PCDHGB6: variants seen among roughly 807,000 people sequenced by gnomAD.
The protein encoded by PCDHGB6 is protocadherin gamma subfamily B, 6.
PCDHGB6 carries 51 observed loss-of-function variants against 59.1 expected under a neutral mutation model. The ratio of observed to expected loss-of-function variants is 0.86; its 90% confidence interval spans 0.69 to 1.09. PCDHGB6 has a LOEUF of 1.09. PCDHGB6 is among the 50% of genes least tolerant of loss of function. The probability of loss-of-function intolerance (pLI) is 0.00; values close to 1 mark genes in which losing one functional copy is unlikely to be tolerated. For synonymous variants in PCDHGB6, 466 were observed against 495.1 expected (o/e 0.94, Z 0.78); for missense variants, 1,148 against 1,205.1 (o/e 0.95, Z 0.70).
Position 141,410,300 on chromosome 5 carries a change from T to A in PCDHGB6, c.2098T>A (p.Ser700Thr), listed in dbSNP as rs1233506038. 4 of 1,614,022 alleles carry A rather than the reference T, an allele frequency of 2.5e-6. No individual in the cohort carries two copies. In the Admixed American group the frequency reaches 6.7e-5, roughly 27 times the overall value. ...CCTGGTGGTGGCCTTGGCCTTAATC[T>A]CAGTGCTCTTCCTCCTCGCCGTGAT... ...FYLVVALALI[S>T]VLFLLAVILA... Residue 700 changes from serine (S) to threonine (T), a missense_variant, in exon 1 of 4, where the codon TCA becomes ACA. Physicochemically the swap from Ser to Thr is moderately conservative, Grantham distance 58. Around this residue, in one of 5 missense-constraint regions of PCDHGB6, gnomAD observed 283 missense variants for 318.6 expected, o/e 0.89. Coordinates refer to ENST00000520790, the MANE Select transcript of PCDHGB6 (RefSeq NM_018926.3).
At chr5:141,500,782 T>G (rs2099802612) in intron 2 of PCDHGB6, among the ~76,000 whole-genome samples, 2 of 152,222 alleles carry the variant, frequency 1.3e-5, no homozygotes, top group Admixed American at 1.3e-4. Context: ...ATATACATAT[T>G]ATTTTACAGA....
intron 1 of PCDHGB6, chr5:141,417,651 A>G (rs2154547111): frequency 1.2e-6 from 1 of 822,038 alleles, no homozygotes; most frequent in Non-Finnish European, 1.8e-6. Flanking sequence ...CTCAGCCTCT[A>G]GCCTGGGATT....
rs1229623400 is a variant in PCDHGB6, at chr5:141,505,984, T to A, written c.2566+503T>A. 4.6e-5 allele frequency among the ~76,000 whole-genome samples: 7 copies of A among 152,198 alleles called. No homozygotes were observed. In the East Asian group the frequency reaches 1.4e-3, roughly 30 times the overall value. On this transcript the variant is annotated intron_variant, in intron 3 of 3. Coordinates refer to ENST00000520790, the MANE Select transcript of PCDHGB6 (RefSeq NM_018926.3). ...AGAAATCCCCAGCCGAGAGAACACC[T>A]CCTCTTTATGCGAGGCTCCTCTTTT...
At chr5:141,488,762 C>T (rs1470160100) in intron 1 of PCDHGB6, among the ~76,000 whole-genome samples, 1 of 152,142 alleles carries the variant, frequency 6.6e-6, no homozygotes, top group Non-Finnish European at 1.5e-5. Context: ...TGGGACAGAA[C>T]GCTGAGGAGT....
chr5:141,408,656 C>G lies in PCDHGB6; in HGVS notation c.454C>G (p.Leu152Val), dbSNP rs1367377855. ...CGAATCTGCATCCGCTGGTACACGA[C>G]TATCGCTTGACCCTGCCACGGATCC... ...IFESASAGTR[L>V]SLDPATDPDI... Residue 152 changes from leucine (L) to valine (V), a missense_variant, in exon 1 of 4, where the codon CTA becomes GTA. By Grantham distance (32) the Leu-to-Val change is conservative. Coordinates refer to ENST00000520790, the MANE Select transcript of PCDHGB6 (RefSeq NM_018926.3). 6.2e-7 allele frequency: 1 copy of G among 1,614,030 alleles called. No homozygotes were observed. The highest frequency in any genetic ancestry group is 1.1e-5 in the South Asian group (1 of 91,084).
Position 141,485,181 on chromosome 5 carries a change from G to C in PCDHGB6, c.2419-9626G>C. 1 of 1,612,942 alleles carries C rather than the reference G, an allele frequency of 6.2e-7. No individual in the cohort carries two copies. Among genetic ancestry groups the C allele is most frequent in the East Asian group, 2.2e-5 (1 of 44,868 alleles). On this transcript the variant is annotated intron_variant, in intron 1 of 3. Transcript: ENST00000520790. This position sits in a 1 kb window ranked among gnomAD's most constrained non-coding sequence, Gnocchi z 5.7. ...AATTAGCGGGCGGCAGCAATGCTCC[G>C]CAAGGTGAGAAGCTGGACAGAAATC...
intron 3 of PCDHGB6, 134 bp downstream of exon 3, chr5:141,505,615 C>T: frequency 2.0e-6 from 3 of 1,504,946 alleles, no homozygotes; most frequent in Non-Finnish European, 1.8e-6. Flanking sequence ...TCTGAAAGGA[C>T]CCACAATTCC....
rs772255343 is a variant in PCDHGB6, at chr5:141,432,272, G to C, written c.2418+21652G>C. On this transcript the variant is annotated intron_variant, in intron 1 of 3. Coordinates refer to ENST00000520790, the MANE Select transcript of PCDHGB6 (RefSeq NM_018926.3). This position sits in a 1 kb window ranked among gnomAD's most constrained non-coding sequence, Gnocchi z 6.0. ...CCAAGGGGCAAGCCTATCGTCCTAC[G>C]TGTCCATCAACTCCGACACTGGGGT... The C allele has an allele frequency of 3.1e-6, 5 of 1,614,210 alleles. No individual in the cohort carries two copies. Among genetic ancestry groups the C allele is most frequent in the Non-Finnish European group, 4.2e-6 (5 of 1,180,042 alleles).
intron 1 of PCDHGB6, chr5:141,427,247 T>C (rs1409945260): frequency 2.2e-6 from 1 of 456,582 alleles, no homozygotes; most frequent in Non-Finnish European, 4.4e-6. Context: ...AAGCTAAGGA[T>C]GGTGGAGGCA....
chr5:141,498,531 G>A (rs1384404653), intron 2 of PCDHGB6, among the ~76,000 whole-genome samples: 3 of 148,544 alleles, frequency 2.0e-5, no homozygotes, highest in Non-Finnish European at 4.4e-5. Context: ...CTGCCCTCCA[G>A]CCTGGTCTGG....
At chr5:141,478,711 T>G (rs1420376406) in intron 1 of PCDHGB6, 1 of 1,547,346 alleles carries the variant, frequency 6.5e-7, no homozygotes. Context: ...CTTTGTGAGA[T>G]GGTGGCCTGC....
Position 141,487,820 on chromosome 5 carries a change from G to A in PCDHGB6, c.2419-6987G>A, listed in dbSNP as rs1024593393. 8 of 1,293,652 alleles carry A rather than the reference G, an allele frequency of 6.2e-6. No individual in the cohort carries two copies. The highest frequency in any genetic ancestry group is 3.7e-4 in the Middle Eastern group (2 of 5,382). 80.1% of individuals were successfully genotyped at this position (1,293,652 alleles called of 1,614,324 possible). A position where few individuals can be genotyped will look rare whatever the true frequency, so the allele number is the denominator to read the frequency against. On this transcript the variant is annotated intron_variant, in intron 1 of 3. Transcript: ENST00000520790. This position sits in a 1 kb window ranked among gnomAD's most constrained non-coding sequence, Gnocchi z 5.0. ...GTTGTCACAGTTTAGCATTGGGGGC[G>A]GGTCATGCCTATATCTGAGTAAGAA...
At chr5:141,502,946 C>T (rs900624216) in intron 2 of PCDHGB6, among the ~76,000 whole-genome samples, 13 of 145,572 alleles carry the variant, frequency 8.9e-5, no homozygotes, top group African/African-American at 2.6e-4. Flanking sequence ...TGGGTTCAAG[C>T]GATTCTCCTG....
chr5:141,502,900 T>C (rs1433421797), intron 2 of PCDHGB6, among the ~76,000 whole-genome samples: 2 of 147,288 alleles, frequency 1.4e-5, no homozygotes, highest in Non-Finnish European at 3.0e-5. Flanking sequence ...TCTAGCTCTG[T>C]TGCCAGGCTG....
chr5:141,490,874 A>C lies in PCDHGB6; in HGVS notation c.2419-3933A>C. 1 of 1,613,948 alleles carries C rather than the reference A, an allele frequency of 6.2e-7. No homozygotes were observed. The highest frequency in any genetic ancestry group is 1.3e-5 in the African/African-American group (1 of 75,054). The stretch of plus-strand genomic sequence containing the variant: ...CGAGACTCCGGCTCTCCCCCATTGC[A>C]TGCCAACACATCTCTGCATGTGTTT... On this transcript the variant is annotated intron_variant, in intron 1 of 3. Coordinates refer to ENST00000520790, the MANE Select transcript of PCDHGB6 (RefSeq NM_018926.3). The surrounding 1 kb of genome is among the most constrained non-coding windows in gnomAD (Gnocchi z 5.4).
intron 1 of PCDHGB6, among the ~76,000 whole-genome samples, chr5:141,460,653 GT>G (rs2098994590): frequency 6.6e-6 from 1 of 151,844 alleles, no homozygotes; most frequent in Admixed American, 6.6e-5. Context: ...TTACACATAT[GT>G]AACTGTAAAC....
Position 141,476,021 on chromosome 5 carries a change from C to T in PCDHGB6, c.2419-18786C>T. The T allele has an allele frequency of 7.1e-7, 1 of 1,400,498 alleles. No individual in the cohort carries two copies. The highest frequency in any genetic ancestry group is 1.4e-5 in the South Asian group (1 of 71,458). 86.8% of individuals were successfully genotyped at this position (1,400,498 alleles called of 1,614,324 possible). A position where few individuals can be genotyped will look rare whatever the true frequency, so the allele number is the denominator to read the frequency against. ...GGCATCCAGAAAGCCATGTCGGACT[C>T]GGCGCCCAGCGCCCAAGCGCTAACC... On this transcript the variant is annotated intron_variant, in intron 1 of 3. Coordinates refer to ENST00000520790, the MANE Select transcript of PCDHGB6 (RefSeq NM_018926.3). This position sits in a 1 kb window ranked among gnomAD's most constrained non-coding sequence, Gnocchi z 7.6.
At chr5:141,427,153 T>C (rs2096993361) in intron 1 of PCDHGB6, 1 of 456,886 alleles carries the variant, frequency 2.2e-6, no homozygotes, top group Non-Finnish European at 4.4e-6. Context: ...GGAAATATGT[T>C]TGTGCTAGAC....
intron 3 of PCDHGB6, chr5:141,507,418 A>T (rs2099860509): frequency 6.6e-6 from 1 of 152,204 alleles, no homozygotes; most frequent in Non-Finnish European, 1.5e-5. Context: ...CTGTGAGGTT[A>T]AGTGGGGCCA....
Sources: gnomAD v4.1 joint callset for allele counts (sites outside exome capture counted in the v4.1 genomes callset) on GRCh38, gnomAD v4.1.1 for gene constraint, gnomAD v4.1.1 regional missense constraint, Gnocchi (gnomAD v3.1) non-coding constraint, MANE v1.5 for transcripts, NCBI Gene and HGNC (gene_info 2026-07-23, HGNC 2026-07-21) for gene names.